ZNF100: variants seen among roughly 807,000 people sequenced by gnomAD.
ZNF100 encodes zinc finger protein 100.
ZNF100 carries 12 observed loss-of-function variants against 15.8 expected under a neutral mutation model. The observed-to-expected ratio is 0.76, with a 90% CI of 0.49 to 1.23. The LOEUF (loss-of-function observed/expected upper bound fraction) is 1.23. Among genes scored for constraint, ZNF100 ranks in the 50% most tolerant of loss-of-function variants. The probability of loss-of-function intolerance (pLI) is 0.00; values close to 1 mark genes in which losing one functional copy is unlikely to be tolerated. For missense variants in ZNF100, 670 were observed against 635.6 expected (o/e 1.05, Z -0.58); for synonymous variants, 226 against 214.8 (o/e 1.05, Z -0.45).
intron 4 of ZNF100, 35 bp from the exon 5 acceptor site, chr19:21,728,024 A>T: frequency 6.9e-7 from 1 of 1,453,270 alleles, no homozygotes; most frequent in Non-Finnish European, 9.1e-7. Flanking sequence ...TACTTTACTT[A>T]CTAGACACAG....
chr19:21,735,712 C>CA (rs1293216632), intron 4 of ZNF100, among the ~76,000 whole-genome samples: 1 of 152,008 alleles, frequency 6.6e-6, no homozygotes, highest in Non-Finnish European at 1.5e-5. Context: ...CAACAAAGAT[C>CA]AAAAAAGACA....
intron 2 of ZNF100, among the ~76,000 whole-genome samples, chr19:21,765,057 A>T (rs2036537702): frequency 6.6e-6 from 1 of 152,234 alleles, no homozygotes; most frequent in South Asian, 2.1e-4. Flanking sequence ...CACTCTGGGA[A>T]AAACAGTAAA....
At chr19:21,762,953 T>C (rs916392839) in intron 2 of ZNF100, among the ~76,000 whole-genome samples, 10 of 152,194 alleles carry the variant, frequency 6.6e-5, no homozygotes, top group African/African-American at 2.2e-4. Flanking sequence ...GTGATGAGTG[T>C]GACCTCTGGT....
chr19:21,740,520 A>G (rs116063555), intron 4 of ZNF100, among the ~76,000 whole-genome samples: 1,705 of 152,218 alleles, frequency 0.011, 47 homozygotes, highest in African/African-American at 0.039. Flanking sequence ...AAAATGCCTC[A>G]TAAGAAATGG....
At chr19:21,753,701 CT>C (rs1467226129) in intron 2 of ZNF100, 6 of 152,260 alleles carry the variant, frequency 3.9e-5, no homozygotes, top group Middle Eastern at 6.8e-3. Context: ...ATAAAATGCC[CT>C]TCTCTTTTTA....
chr19:21,764,448 C>A (rs2036529035), intron 2 of ZNF100, among the ~76,000 whole-genome samples: 1 of 151,992 alleles, frequency 6.6e-6, no homozygotes, highest in Admixed American at 6.6e-5. Flanking sequence ...TTGAGACCAG[C>A]CTGACCAACA....
At chr19:21,731,372 G>C (rs1175986997) in intron 4 of ZNF100, among the ~76,000 whole-genome samples, 1 of 148,192 alleles carries the variant, frequency 6.7e-6, no homozygotes, top group Non-Finnish European at 1.5e-5. Context: ...GCAGTGGCAT[G>C]ATCTTGGCTC....
chr19:21,756,487 T>C (rs1320079156), intron 2 of ZNF100, among the ~76,000 whole-genome samples: 2 of 81,276 alleles, frequency 2.5e-5, no homozygotes, highest in East Asian at 3.7e-4. Flanking sequence ...CCATTCACAA[T>C]TGCCACACAC....
At chr19:21,764,413 G>A (rs539275472) in intron 2 of ZNF100, among the ~76,000 whole-genome samples, 4 of 152,140 alleles carry the variant, frequency 2.6e-5, no homozygotes, top group African/African-American at 4.8e-5. Flanking sequence ...GGAGGCCAAG[G>A]CGGGCAGATC....
intron 2 of ZNF100, among the ~76,000 whole-genome samples, chr19:21,747,964 G>T (rs1428713658): frequency 2.5e-5 from 3 of 121,232 alleles, no homozygotes; most frequent in Non-Finnish European, 5.9e-5. Context: ...CTGTTTCTCT[G>T]TTATTGATTT....
rs2145682193 is a variant in ZNF100, at chr19:21,727,624, C to T, written c.688G>A (p.Glu230Lys). Residue 230 changes from glutamate (E) to lysine (K), a missense_variant, in exon 5 of 5, where the codon GAG (glutamate) becomes AAG (lysine). Coordinates refer to ENST00000358296, the MANE Select transcript of ZNF100 (RefSeq NM_173531.4). Reference sequence around the variant, plus strand: ...CAATCTTTACATTGGTAGGAATTCTCTGTAATATGAAATCTTTTATGTTGA... The same window carrying T: ...CAATCTTTACATTGGTAGGAATTCTTTGTAATATGAAATCTTTTATGTTGA... The part of the protein sequence containing the change: ...LTQHKRFHIT[E>K]NSYQCKDCGK... The T allele has an allele frequency of 3.7e-6, 6 of 1,611,980 alleles. No individual in the cohort carries two copies. The East Asian group carries it at 1.1e-4, about 30-fold the overall frequency.
At chr19:21,743,957 C>T (rs2036166434) in intron 4 of ZNF100, 60 bp downstream of exon 4, 1 of 1,491,042 alleles carries the variant, frequency 6.7e-7, no homozygotes, top group South Asian at 1.3e-5. Context: ...TAATGACCAG[C>T]TTTCTTTTTG....
intron 2 of ZNF100, among the ~76,000 whole-genome samples, chr19:21,754,548 G>A (rs34038250): frequency 0.093 from 14,213 of 152,110 alleles, 894 homozygotes; most frequent in South Asian, 0.18. Context: ...ATGATCTTCT[G>A]TTAAGTAAAT....
intron 4 of ZNF100, among the ~76,000 whole-genome samples, chr19:21,737,128 TAAAA>T (rs1401695609): frequency 3.3e-5 from 5 of 150,764 alleles, no homozygotes; most frequent in African/African-American, 7.3e-5. Context: ...AAAAATAAAA[TAAAA>T]GAGATAGACC....
chr19:21,766,511 C>T (rs1355502324), intron 1 of ZNF100, among the ~76,000 whole-genome samples: 1 of 151,304 alleles, frequency 6.6e-6, no homozygotes, highest in Non-Finnish European at 1.5e-5. Context: ...GTTAATTAAC[C>T]TCTGATTACA....
chr19:21,734,703 A>C (rs957822219), intron 4 of ZNF100, among the ~76,000 whole-genome samples: 5 of 152,166 alleles, frequency 3.3e-5, no homozygotes, highest in Admixed American at 3.3e-4. Flanking sequence ...CAGAAAATCC[A>C]GAGGACCCCA....
intron 4 of ZNF100, 133 bp downstream of exon 4, chr19:21,743,878 CAAAAAA>C: frequency 1.4e-6 from 1 of 724,156 alleles, no homozygotes; most frequent in Non-Finnish European, 1.9e-6. Flanking sequence ...AAAAAAAGCC[CAAAAAA>C]CAAAAACACT....
chr19:21,759,644 G>T (rs2036448508), intron 2 of ZNF100, among the ~76,000 whole-genome samples: 1 of 152,070 alleles, frequency 6.6e-6, no homozygotes, highest in Non-Finnish European at 1.5e-5. Flanking sequence ...GTAAAGAAGT[G>T]GGATAAAACC....
rs2035835060 is a variant in ZNF100, at chr19:21,727,719, C to T, written c.593G>A (p.Arg198Lys). The T allele has an allele frequency of 6.2e-7, 1 of 1,611,804 alleles. No individual in the cohort carries two copies. ...TFSNSNRHKI[R>K]HTRKKPFKCK... ...TTTGAAAGGTTTCTTTCTAGTATGT[C>T]TTATCTTATGTCTGTTTGAATTTGA... The change falls in exon 5 of 5, where the codon AGA becomes AAA. Residue 198 changes from arginine (R) to lysine (K), a missense_variant. Transcript: ENST00000358296.
Sources: allele counts gnomAD v4.1 joint callset (sites outside exome capture counted in the v4.1 genomes callset), GRCh38; gene constraint gnomAD v4.1.1; transcripts MANE v1.5; gene names NCBI Gene and HGNC (gene_info 2026-07-23, HGNC 2026-07-21).